Variants in MBOAT1 observed in about 807,000 individuals in gnomAD.
MBOAT1 encodes the protein membrane-bound glycerophospholipid O-acyltransferase 1.
In MBOAT1, 67 loss-of-function variants were observed where a neutral mutation model predicts 64.4. That is an observed-to-expected ratio of 1.04 (90% CI 0.85 to 1.27). The LOEUF is 1.27. Ranked by LOEUF, MBOAT1 falls within the 50% of genes most tolerant of loss-of-function variation. The pLI is 0.00. For synonymous variants in MBOAT1, 229 were observed against 218.9 expected (o/e 1.05, Z -0.41); for missense variants, 563 against 604.6 (o/e 0.93, Z 0.72).
intron 1 of MBOAT1, among the ~76,000 whole-genome samples, chr6:20,177,148 TAA>T (rs1762365377): frequency 6.6e-6 from 1 of 152,158 alleles, no homozygotes; most frequent in South Asian, 2.1e-4. Flanking sequence ...TTTCAACAAT[TAA>T]ACATAGGCCA....
intron 1 of MBOAT1, among the ~76,000 whole-genome samples, chr6:20,154,274 G>A (rs1761611412): frequency 6.6e-6 from 1 of 152,202 alleles, no homozygotes; most frequent in Non-Finnish European, 1.5e-5. Context: ...GCTCACGCCT[G>A]TAATCCCAGC....
chr6:20,156,802 G>C (rs111792910), intron 1 of MBOAT1, among the ~76,000 whole-genome samples: 6,407 of 152,154 alleles, frequency 0.042, 436 homozygotes, highest in African/African-American at 0.14. Context: ...CTGAAACTTT[G>C]CTGAAGTTGC....
At chr6:20,117,199 A>C (rs1378722883) in intron 9 of MBOAT1, among the ~76,000 whole-genome samples, 1 of 152,154 alleles carries the variant, frequency 6.6e-6, no homozygotes, top group African/African-American at 2.4e-5. Context: ...ATGCTCCTAC[A>C]GCATCTGCCA....
rs974284374 is a variant in MBOAT1 at position 20,102,046 on chromosome 6, C to T, written c.*240G>A. The T allele has an allele frequency of 7.2e-5, 12 of 167,230 alleles. No homozygotes were observed. Among genetic ancestry groups the T allele is most frequent in the East Asian group, 1.6e-4 (1 of 6,368 alleles). The allele number at this position is 167,230 out of a possible 1,614,324, so 10.4% of individuals were successfully genotyped here. On this transcript the variant is annotated 3_prime_UTR_variant, in exon 13 of 13. Transcript: ENST00000324607. ...AGGAGAATGGCGTGAACCCGGGAGG[C>T]GGAGCTTGCAGTGAGCCGAGATCCC...
At chr6:20,133,727 C>T (rs1760899743) in intron 4 of MBOAT1, among the ~76,000 whole-genome samples, 1 of 152,178 alleles carries the variant, frequency 6.6e-6, no homozygotes, top group African/African-American at 2.4e-5. Context: ...AGAAAAAGAA[C>T]ATTTGTTTTC....
chr6:20,117,186 C>A (rs557086263), intron 9 of MBOAT1, among the ~76,000 whole-genome samples: 1 of 152,286 alleles, frequency 6.6e-6, no homozygotes, highest in African/African-American at 2.4e-5. Context: ...CTGGACCTTG[C>A]CCATGCTCCT....
intron 1 of MBOAT1, among the ~76,000 whole-genome samples, chr6:20,193,516 T>A (rs7766133): frequency 6.6e-6 from 1 of 151,716 alleles, no homozygotes; most frequent in Non-Finnish European, 1.5e-5. Context: ...TTTGATGTTA[T>A]GGGCAGAGAA....
intron 1 of MBOAT1, among the ~76,000 whole-genome samples, chr6:20,184,398 C>G (rs1228824598): frequency 1.3e-5 from 2 of 151,992 alleles, no homozygotes; most frequent in Non-Finnish European, 2.9e-5. Context: ...AGCAGGTGGA[C>G]AGAGAACAGT....
In MBOAT1 at chr6:20,185,352, T is replaced by C. The variant is rs142472421; in HGVS notation, c.99+26784A>G. On this transcript the variant is annotated intron_variant, in intron 1 of 12. Transcript: ENST00000324607. ...ATATTTGGTCAAACATTATTCTAGATGTTTCTGTGGAGGTATTTTCAGATT... is the reference window on the plus strand; with the variant it reads ...ATATTTGGTCAAACATTATTCTAGACGTTTCTGTGGAGGTATTTTCAGATT... Among the ~76,000 whole-genome samples the C allele has an allele frequency of 1.6e-3, 249 of 152,332 alleles. 2 individuals are homozygous for C. The highest frequency in any genetic ancestry group is 5.3e-3 in the African/African-American group (222 of 41,560).
chr6:20,174,323 CA>C (rs1260103712), intron 1 of MBOAT1, among the ~76,000 whole-genome samples: 4 of 152,196 alleles, frequency 2.6e-5, no homozygotes, highest in Admixed American at 2.6e-4. Context: ...GTACTTAAAT[CA>C]ACCTAGATGG....
chr6:20,118,536 A>C lies in MBOAT1; in HGVS notation c.912T>G (p.Asp304Glu). 6.2e-7 allele frequency: 1 copy of C among 1,613,102 alleles called. No individual in the cohort carries two copies. The highest frequency in any genetic ancestry group is 8.5e-7 in the Non-Finnish European group (1 of 1,179,508). ...PKYYFAWTLA[D>E]AVNNAAGFGF... ...CAAAGCCAGCTGCGTTATTCACTGC[A>C]TCAGCTATGGTTTTTAAAGTAACAC... Residue 304 changes from aspartate to glutamate, a missense_variant, in exon 9 of 13, where the codon GAT becomes GAG. Asp to Glu is a conservative substitution (Grantham distance 45). Transcript: ENST00000324607.
chr6:20,207,956 T>A (rs758883876), intron 1 of MBOAT1, among the ~76,000 whole-genome samples: 2 of 152,210 alleles, frequency 1.3e-5, no homozygotes, highest in East Asian at 1.9e-4. Context: ...ATTTTTTTCA[T>A]CTTTGTATTT....
Position 20,196,862 on chromosome 6 carries a change from CAAAA to C in MBOAT1, c.99+15270_99+15273del, listed in dbSNP as rs58418526. Among the ~76,000 whole-genome samples, 30 of 146,020 alleles carry C rather than the reference CAAAA, an allele frequency of 2.1e-4. 1 individual carries two copies. Among genetic ancestry groups the C allele is most frequent in the African/African-American group, 7.7e-4 (30 of 38,914 alleles). On this transcript the variant is annotated intron_variant, in intron 1 of 12. Transcript: ENST00000324607. ...GGGCAACAAGAGCGAAACTCCATCT[CAAAA>C]AAAAAAACAAACAAACAAAAAAAAA...
chr6:20,102,384 T>C lies in MBOAT1; in HGVS notation c.1390A>G (p.Ser464Gly). The change falls in exon 13 of 13, where the codon AGT becomes GGT. Residue 464 changes from serine (S) to glycine (G), a missense_variant. Ser to Gly is a moderately conservative substitution (Grantham distance 56). Transcript: ENST00000324607. ...KSMYFYLHII[S>G]LLIILFLPMK... Reference sequence around the variant, plus strand: ...GGCAGAAATAGTATTATCAGGAGACTTATGATGTGCAAATAAAAGTACATG... The same window carrying C: ...GGCAGAAATAGTATTATCAGGAGACCTATGATGTGCAAATAAAAGTACATG... 6.2e-7 allele frequency: 1 copy of C among 1,611,086 alleles called. No individual in the cohort carries two copies. The highest frequency in any genetic ancestry group is 1.3e-5 in the African/African-American group (1 of 74,960).
At chr6:20,104,284 G>T (rs1468496084) in intron 12 of MBOAT1, among the ~76,000 whole-genome samples, 2 of 152,156 alleles carry the variant, frequency 1.3e-5, no homozygotes, top group Admixed American at 1.3e-4. Flanking sequence ...ACGTATGACT[G>T]TATTCTATTC....
intron 1 of MBOAT1, among the ~76,000 whole-genome samples, chr6:20,173,287 T>A (rs1316009106): frequency 6.6e-6 from 1 of 152,086 alleles, no homozygotes; most frequent in Non-Finnish European, 1.5e-5. Context: ...TGAGTTTTCA[T>A]CCATATCACA....
At chr6:20,201,439 T>C (rs1192865385) in intron 1 of MBOAT1, among the ~76,000 whole-genome samples, 1 of 152,076 alleles carries the variant, frequency 6.6e-6, no homozygotes, top group Non-Finnish European at 1.5e-5. Flanking sequence ...ACAGACTATC[T>C]CTGAAATCAT....
intron 1 of MBOAT1, among the ~76,000 whole-genome samples, chr6:20,168,591 G>A (rs1369607564): frequency 8.2e-3 from 695 of 84,506 alleles, no homozygotes; most frequent in Non-Finnish European, 0.012. Flanking sequence ...GAGAGAGAGG[G>A]AGAGAAAGAG....
At chr6:20,137,544 C>T (rs1761033418) in intron 4 of MBOAT1, among the ~76,000 whole-genome samples, 2 of 152,192 alleles carry the variant, frequency 1.3e-5, no homozygotes, top group Middle Eastern at 3.4e-3. Flanking sequence ...CATTCACCAC[C>T]GCATGTATTG....
Sources: allele counts gnomAD v4.1 joint callset (sites outside exome capture counted in the v4.1 genomes callset), GRCh38; gene constraint gnomAD v4.1.1; transcripts MANE v1.5; gene names NCBI Gene and HGNC (gene_info 2026-07-23, HGNC 2026-07-21).